NCALD: variants seen among roughly 807,000 people sequenced by gnomAD.
NCALD encodes neurocalcin delta, also known as neurocalcin-delta.
In NCALD, 10 loss-of-function variants were observed where a neutral mutation model predicts 18.6. The ratio of observed to expected loss-of-function variants is 0.54; its 90% CI spans 0.33 to 0.91. The LOEUF is 0.91. Among genes scored for constraint, NCALD ranks in the 40% least tolerant of loss-of-function variants. The pLI is 0.03. For synonymous variants in NCALD, 88 were observed against 87.4 expected (o/e 1.01, Z -0.04); for missense variants, 184 against 247.6 (o/e 0.74, Z 1.72).
intron 1 of NCALD, among the ~76,000 whole-genome samples, chr8:102,028,567 G>T (rs1272296072): frequency 6.6e-6 from 1 of 152,166 alleles, no homozygotes; most frequent in African/African-American, 2.4e-5. Context: ...AATAGCCCCT[G>T]GGCAGTGCCA....
chr8:102,105,508 T>C (rs1825416362), intron 1 of NCALD, among the ~76,000 whole-genome samples: 1 of 152,220 alleles, frequency 6.6e-6, no homozygotes, highest in South Asian at 2.1e-4. Context: ...CTTATAGATT[T>C]ATGCCAGGAC....
chr8:101,907,090 A>G (rs1448771001), intron 3 of NCALD, among the ~76,000 whole-genome samples: 1 of 152,130 alleles, frequency 6.6e-6, no homozygotes, highest in Non-Finnish European at 1.5e-5. Context: ...TCCATCATGG[A>G]TGTTTTGCAT....
intron 2 of NCALD, among the ~76,000 whole-genome samples, chr8:102,018,091 G>C (rs1223494713): frequency 6.6e-6 from 1 of 152,216 alleles, no homozygotes; most frequent in African/African-American, 2.4e-5. Flanking sequence ...CCAAGTGCTA[G>C]AGGAGCTGTG....
chr8:101,952,343 T>C lies in NCALD; in HGVS notation c.-156-36485A>G, dbSNP rs866160910. On this transcript the variant is annotated intron_variant, in intron 2 of 6. Transcript: ENST00000311028. Reference sequence around the variant, plus strand: ...TACCAGCCTTACAAACTGCCTCTTCTCCGCCAAGCTCTGACATCTCTTCCT... The same window carrying C: ...TACCAGCCTTACAAACTGCCTCTTCCCCGCCAAGCTCTGACATCTCTTCCT... 2.6e-5 allele frequency among the ~76,000 whole-genome samples: 4 copies of C among 152,288 alleles called. No homozygotes were observed. The South Asian group carries it at 8.3e-4, about 32-fold the overall frequency.
At chr8:101,740,754 G>A (rs541625017) in intron 1 of NCALD, among the ~76,000 whole-genome samples, 17 of 152,264 alleles carry the variant, frequency 1.1e-4, no homozygotes, top group South Asian at 1.0e-3. Context: ...CTATAAGACA[G>A]GTTCTGTGTG....
intron 4 of NCALD, among the ~76,000 whole-genome samples, chr8:101,882,976 T>A (rs1297040997): frequency 6.6e-6 from 1 of 152,244 alleles, no homozygotes; most frequent in East Asian, 1.9e-4. Context: ...TCTCCTTAAA[T>A]ATGTACATTG....
At chr8:101,709,405 T>C (rs933116238) in intron 2 of NCALD, among the ~76,000 whole-genome samples, 3 of 152,240 alleles carry the variant, frequency 2.0e-5, no homozygotes, top group Admixed American at 6.5e-5. Context: ...TAATGTTGTC[T>C]AAGCCTATCA....
At chr8:101,954,917 C>G (rs1819565302) in intron 2 of NCALD, among the ~76,000 whole-genome samples, 1 of 152,140 alleles carries the variant, frequency 6.6e-6, no homozygotes, top group African/African-American at 2.4e-5. Flanking sequence ...ATGGCTTCCC[C>G]CAAGTCCTTG....
At chr8:101,733,897 A>G (rs1263272506) in intron 1 of NCALD, among the ~76,000 whole-genome samples, 1 of 152,200 alleles carries the variant, frequency 6.6e-6, no homozygotes, top group Admixed American at 6.5e-5. Context: ...TTAGAGAAGC[A>G]GTTGAAGGTG....
intron 1 of NCALD, among the ~76,000 whole-genome samples, chr8:102,110,990 A>G (rs1188500249): frequency 6.6e-6 from 1 of 152,202 alleles, no homozygotes; most frequent in Non-Finnish European, 1.5e-5. Context: ...TAAAAAATAG[A>G]TAAATATGAC....
At chr8:102,095,284 T>C (rs918238090) in intron 1 of NCALD, among the ~76,000 whole-genome samples, 1 of 151,988 alleles carries the variant, frequency 6.6e-6, no homozygotes, top group Admixed American at 6.6e-5. Flanking sequence ...CAGGACCACA[T>C]GTGGTGGGTG....
chr8:102,004,961 T>C (rs989778491), intron 2 of NCALD, among the ~76,000 whole-genome samples: 5 of 152,212 alleles, frequency 3.3e-5, no homozygotes, highest in African/African-American at 1.2e-4. Context: ...ATTCAGGACA[T>C]AGTCGTGGGC....
chr8:101,808,307 TCTAA>T (rs775490497), intron 4 of NCALD, among the ~76,000 whole-genome samples: 3 of 152,172 alleles, frequency 2.0e-5, no homozygotes, highest in Admixed American at 6.6e-5. Context: ...GTGGAACTAC[TCTAA>T]CTGTTAGAAG....
At chr8:101,944,850 C>T (rs768447905) in intron 2 of NCALD, among the ~76,000 whole-genome samples, 6 of 152,328 alleles carry the variant, frequency 3.9e-5, no homozygotes, top group African/African-American at 4.8e-5. Context: ...TTGCTAGTCC[C>T]CGCGTGCTTC....
At chr8:101,981,846 C>A (rs1820630446) in intron 2 of NCALD, among the ~76,000 whole-genome samples, 2 of 152,132 alleles carry the variant, frequency 1.3e-5, no homozygotes, top group Non-Finnish European at 2.9e-5. Context: ...CAGATTCATT[C>A]TGATATGAAC....
At chr8:101,767,663 C>A (rs1294401417) in intron 1 of NCALD, among the ~76,000 whole-genome samples, 1 of 152,242 alleles carries the variant, frequency 6.6e-6, no homozygotes, top group Non-Finnish European at 1.5e-5. Flanking sequence ...ATGATCCTTA[C>A]CATTCCATGT....
Position 101,725,200 on chromosome 8 carries a change from G to C in NCALD, c.-19-5552C>G, listed in dbSNP as rs117354989. ...AAATGTTACATTTTTGGCCTGCACTGCTGCCCATCCTGTGCCTATATAAAC... is the reference window on the plus strand; with the variant it reads ...AAATGTTACATTTTTGGCCTGCACTCCTGCCCATCCTGTGCCTATATAAAC... On this transcript the variant is annotated intron_variant, in intron 1 of 3. Coordinates refer to ENST00000220931, the MANE Select transcript of NCALD (RefSeq NM_032041.3). 2.0e-3 allele frequency among the ~76,000 whole-genome samples: 297 copies of C among 152,298 alleles called. 4 individuals carry two copies. In the East Asian group the frequency reaches 0.049, roughly 25 times the overall value.
intron 2 of NCALD, among the ~76,000 whole-genome samples, chr8:102,007,795 C>G (rs1003101707): frequency 2.0e-5 from 3 of 152,196 alleles, no homozygotes; most frequent in Admixed American, 6.5e-5. Flanking sequence ...CACCCTCCCC[C>G]AAACTTTGAG....
At chr8:101,712,587 CAAAAAAAAAA>C (rs201729096) in intron 2 of NCALD, among the ~76,000 whole-genome samples, 4 of 78,908 alleles carry the variant, frequency 5.1e-5, no homozygotes, top group Non-Finnish European at 7.5e-5. Flanking sequence ...AAATGGAAAG[CAAAAAAAAAA>C]AAAAAAAAAA....
Sources: gnomAD v4.1 joint callset for allele counts (sites outside exome capture counted in the v4.1 genomes callset) on GRCh38, gnomAD v4.1.1 for gene constraint, MANE v1.5 for transcripts, NCBI Gene and HGNC (gene_info 2026-07-23, HGNC 2026-07-21) for gene names.